Variants in SLC38A3 observed in about 807,000 individuals in gnomAD.
SLC38A3 encodes sodium-coupled neutral amino acid transporter 3.
A neutral mutation model predicts 59.5 loss-of-function variants in SLC38A3; 17 were observed. That is an observed-to-expected ratio of 0.29 (90% confidence interval 0.20 to 0.43). The LOEUF (loss-of-function observed/expected upper bound fraction) is 0.43, where lower values mean the gene tolerates loss of function less well. Among genes scored for constraint, SLC38A3 ranks in the 20% least tolerant of loss-of-function variants. The pLI, the probability that SLC38A3 is intolerant of heterozygous loss-of-function variation, is 1.00. For synonymous variants in SLC38A3, 238 were observed against 260.3 expected (o/e 0.91, Z 0.82); for missense variants, 454 against 653.9 (o/e 0.69, Z 3.33).
At position 50,214,834 on chromosome 3, in the gene SLC38A3, A is replaced by C; in HGVS notation, c.299+66A>C. The C allele has an allele frequency of 9.9e-7, 1 of 1,012,716 alleles. No homozygotes were observed. The highest frequency in any genetic ancestry group is 1.5e-6 in the Non-Finnish European group (1 of 661,594). The allele number at this position is 1,012,716 out of a possible 1,614,324, so 62.7% of individuals were successfully genotyped here. On this transcript the variant is annotated intron_variant, in intron 4 of 15. Coordinates refer to ENST00000614032, the MANE Select transcript of SLC38A3 (RefSeq NM_006841.6). The surrounding 1 kb of genome is among the most constrained non-coding windows in gnomAD (Gnocchi z 6.0). ...AGCAAGCCACCAATCATGACCTCCC[A>C]GGACCCGCCAGTTCCCTGTCCCAGC...
In SLC38A3 at chr3:50,217,380, G is replaced by A. The variant is rs971025929; in HGVS notation, c.632-35G>A. 1.2e-6 allele frequency: 2 copies of A among 1,611,732 alleles called. No homozygotes were observed. Among genetic ancestry groups the A allele is most frequent in the Non-Finnish European group, 1.7e-6 (2 of 1,178,734 alleles). ...GTTGGAGGCATACACCATGGGAGGGGCCCCAGGTCTCAGAGTGCTCCCTCC... is the reference window on the plus strand; with the variant it reads ...GTTGGAGGCATACACCATGGGAGGGACCCCAGGTCTCAGAGTGCTCCCTCC... On this transcript the variant is annotated intron_variant, in intron 8 of 15. Coordinates refer to ENST00000614032, the MANE Select transcript of SLC38A3 (RefSeq NM_006841.6). This position sits in a 1 kb window ranked among gnomAD's most constrained non-coding sequence, Gnocchi z 4.9.
rs1465425288 is a variant in SLC38A3, at chr3:50,220,076, C to T, written c.1414C>T (p.Leu472=). ...ACCCTGACTTCTGATTCCACAGGCC[C>T]TGTGTTTTGCTATGCTTGGCTTCTT... ...PARSTPKILA[L]CFAMLGFLLM... Residue 472 remains leucine, a synonymous_variant, in exon 16 of 16, where the codon CTG becomes TTG. Transcript: ENST00000614032. 1 of 1,605,476 alleles carries T rather than the reference C, an allele frequency of 6.2e-7. No individual in the cohort carries two copies. Among genetic ancestry groups the T allele is most frequent in the Non-Finnish European group, 8.5e-7 (1 of 1,175,510 alleles).
intron 1 of SLC38A3, among the ~76,000 whole-genome samples, chr3:50,210,616 G>GA (rs1442503427): frequency 1.3e-5 from 2 of 152,212 alleles, no homozygotes; most frequent in African/African-American, 4.8e-5. Context: ...CAGCCGCCCT[G>GA]AAGTGGCCTG....
intron 1 of SLC38A3, among the ~76,000 whole-genome samples, chr3:50,211,206 G>A (rs1002960582): frequency 6.6e-6 from 1 of 152,224 alleles, no homozygotes; most frequent in African/African-American, 2.4e-5. Flanking sequence ...GAGCCTGGGA[G>A]GCCACAGGCC....
In SLC38A3 at chr3:50,217,206, C is replaced by T; in HGVS notation, c.549-32C>T. 1 of 1,549,736 alleles carries T rather than the reference C, an allele frequency of 6.5e-7. No individual in the cohort carries two copies. Among genetic ancestry groups the T allele is most frequent in the Non-Finnish European group, 8.8e-7 (1 of 1,130,952 alleles). On this transcript the variant is annotated intron_variant, in intron 7 of 15. Coordinates refer to ENST00000614032, the MANE Select transcript of SLC38A3 (RefSeq NM_006841.6). The surrounding 1 kb of genome is among the most constrained non-coding windows in gnomAD (Gnocchi z 4.9). Reference sequence around the variant, plus strand: ...GGCCCCATCCCAGGCTGAATGGATTCTGACCCTGGCTCCCGACTCATGTCC... The same window carrying T: ...GGCCCCATCCCAGGCTGAATGGATTTTGACCCTGGCTCCCGACTCATGTCC...
Position 50,218,982 on chromosome 3 carries a change from T to A in SLC38A3, c.1306+34T>A, listed in dbSNP as rs1233857566. ...CTGGCCCTGCTGTGGAAGCAGGGTA[T>A]TGCCCCAGAGGATTTCAACTCTGCA... On this transcript the variant is annotated intron_variant, in intron 14 of 15. Transcript: ENST00000614032. The surrounding 1 kb of genome is among the most constrained non-coding windows in gnomAD (Gnocchi z 5.8). 7 of 1,592,616 alleles carry A rather than the reference T, an allele frequency of 4.4e-6. No individual in the cohort carries two copies. In the East Asian group the frequency reaches 1.4e-4, roughly 31 times the overall value.
intron 1 of SLC38A3, among the ~76,000 whole-genome samples, chr3:50,210,282 TG>T (rs1200491882): frequency 6.6e-6 from 1 of 152,102 alleles, no homozygotes; most frequent in Non-Finnish European, 1.5e-5. Context: ...GAGCTGGAAC[TG>T]GGGGCAGCCC....
chr3:50,216,849 T>G (rs1429700571), intron 7 of SLC38A3, among the ~76,000 whole-genome samples: 7 of 152,256 alleles, frequency 4.6e-5, no homozygotes, highest in African/African-American at 1.4e-4. Flanking sequence ...CTTGGCTCAC[T>G]GCAACCTCTG....
In SLC38A3 at chr3:50,214,829, C is replaced by A; in HGVS notation, c.299+61C>A. The A allele has an allele frequency of 1.8e-6, 2 of 1,091,946 alleles. No individual in the cohort carries two copies. The highest frequency in any genetic ancestry group is 2.7e-6 in the Non-Finnish European group (2 of 732,106). The allele number at this position is 1,091,946 out of a possible 1,614,324, so 67.6% of individuals were successfully genotyped here. ...CCCTAAGCAAGCCACCAATCATGAC[C>A]TCCCAGGACCCGCCAGTTCCCTGTC... On this transcript the variant is annotated intron_variant, in intron 4 of 15. Coordinates refer to ENST00000614032, the MANE Select transcript of SLC38A3 (RefSeq NM_006841.6). The surrounding 1 kb of genome is among the most constrained non-coding windows in gnomAD (Gnocchi z 6.0).
In SLC38A3 at chr3:50,217,890, C is replaced by T; in HGVS notation, c.856-27C>T. ...GGGGCCCAATGAGAGTGGCAGACTGCCTTGACACAGCCCCGTGTTTCCCCA... is the reference window on the plus strand; with the variant it reads ...GGGGCCCAATGAGAGTGGCAGACTGTCTTGACACAGCCCCGTGTTTCCCCA... On this transcript the variant is annotated intron_variant, in intron 10 of 15. Coordinates refer to ENST00000614032, the MANE Select transcript of SLC38A3 (RefSeq NM_006841.6). This position sits in a 1 kb window ranked among gnomAD's most constrained non-coding sequence, Gnocchi z 4.9. The T allele has an allele frequency of 6.2e-7, 1 of 1,613,996 alleles. No individual in the cohort carries two copies. The highest frequency in any genetic ancestry group is 2.2e-5 in the East Asian group (1 of 44,890).
chr3:50,215,719 T>TGCCC lies in SLC38A3; in HGVS notation c.467-16_467-13dup. On this transcript the variant is annotated intron_variant, in intron 6 of 15. Coordinates refer to ENST00000614032, the MANE Select transcript of SLC38A3 (RefSeq NM_006841.6). The surrounding 1 kb of genome is among the most constrained non-coding windows in gnomAD (Gnocchi z 7.1). ...GGTTGGGCTGACCTCAGCGCCTGCC[T>TGCCC]GCCCGCCCCTCTCCCCACAGCCATG... 1.2e-6 allele frequency: 2 copies of TGCCC among 1,603,692 alleles called. No homozygotes were observed. Among genetic ancestry groups the TGCCC allele is most frequent in the Non-Finnish European group, 1.7e-6 (2 of 1,175,670 alleles).
intron 7 of SLC38A3, among the ~76,000 whole-genome samples, chr3:50,216,904 CTG>C (rs1280982271): frequency 1.3e-5 from 2 of 152,218 alleles, no homozygotes; most frequent in Non-Finnish European, 2.9e-5. Context: ...TCCTGAGTAG[CTG>C]AGATTATAGG....
In SLC38A3 at chr3:50,218,090, G is replaced by A; in HGVS notation, c.935+94G>A. ...CTGAATGTGGAGAGGGGAGTGACAG[G>A]AGCCAAGTCACTTTATCTGAGATGT... On this transcript the variant is annotated intron_variant, in intron 11 of 15. Transcript: ENST00000614032. This position sits in a 1 kb window ranked among gnomAD's most constrained non-coding sequence, Gnocchi z 5.8. The A allele has an allele frequency of 7.6e-7, 1 of 1,316,774 alleles. No homozygotes were observed. Among genetic ancestry groups the A allele is most frequent in the Middle Eastern group, 1.8e-4 (1 of 5,528 alleles). The allele number at this position is 1,316,774 out of a possible 1,614,324, so 81.6% of individuals were successfully genotyped here.
chr3:50,219,669 A>G (rs953884390), intron 14 of SLC38A3, among the ~76,000 whole-genome samples: 1 of 152,124 alleles, frequency 6.6e-6, no homozygotes, highest in Non-Finnish European at 1.5e-5. Context: ...ATTGGCTGAC[A>G]TTCTTCTGAC....
chr3:50,212,215 G>A (rs1449451320), intron 1 of SLC38A3, among the ~76,000 whole-genome samples: 1 of 152,244 alleles, frequency 6.6e-6, no homozygotes, highest in East Asian at 1.9e-4. Context: ...GTGCCTGGCT[G>A]CTACAGAAGG....
rs967384894 is a variant in SLC38A3 at position 50,206,743 on chromosome 3, T to C, written c.-52+1395T>C. Among the ~76,000 whole-genome samples the C allele has an allele frequency of 2.8e-4, 42 of 152,330 alleles. 1 individual carries two copies. Among genetic ancestry groups the C allele is most frequent in the Admixed American group, 2.4e-3 (37 of 15,302 alleles). On this transcript the variant is annotated intron_variant, in intron 1 of 15. Coordinates refer to ENST00000614032, the MANE Select transcript of SLC38A3 (RefSeq NM_006841.6). ...TGAATCTCTGGGGAGGGTAGGAGTC[T>C]GTATCTCAGAATTTTGTTCTGCCTG... is the stretch of plus-strand genomic sequence containing the variant.
chr3:50,210,676 G>T (rs1699712290), intron 1 of SLC38A3, among the ~76,000 whole-genome samples: 1 of 152,220 alleles, frequency 6.6e-6, no homozygotes, highest in South Asian at 2.1e-4. Flanking sequence ...CACCTGCCGA[G>T]GTGTGCCTGA....
chr3:50,218,412 G>A lies in SLC38A3; in HGVS notation c.1036+42G>A. 1.3e-6 allele frequency: 2 copies of A among 1,550,004 alleles called. No homozygotes were observed. The highest frequency in any genetic ancestry group is 1.8e-6 in the Non-Finnish European group (2 of 1,121,818). ...GGGCAGAGGCCTAGGCTAGGCTGGG[G>A]GGAAGGGGCTGGTTGTGGCCATGGT... On this transcript the variant is annotated intron_variant, in intron 12 of 15. Transcript: ENST00000614032. This position sits in a 1 kb window ranked among gnomAD's most constrained non-coding sequence, Gnocchi z 5.8.
At position 50,214,364 on chromosome 3, in the gene SLC38A3, G is replaced by A. The variant is rs574312037; in HGVS notation, c.102-38G>A. Reference sequence around the variant, plus strand: ...GCAGGGCAGGGATACAGAGCAAAGGGCTGGAGCTGAGCCACCCACCCTGAC... The same window carrying A: ...GCAGGGCAGGGATACAGAGCAAAGGACTGGAGCTGAGCCACCCACCCTGAC... On this transcript the variant is annotated intron_variant, in intron 2 of 15. Coordinates refer to ENST00000614032, the MANE Select transcript of SLC38A3 (RefSeq NM_006841.6). The surrounding 1 kb of genome is among the most constrained non-coding windows in gnomAD (Gnocchi z 6.0). The A allele has an allele frequency of 2.2e-5, 35 of 1,604,166 alleles. 1 individual carries two copies. In the South Asian group the frequency reaches 3.9e-4, roughly 18 times the overall value.
Sources: gnomAD v4.1 joint callset for allele counts (sites outside exome capture counted in the v4.1 genomes callset) on GRCh38, gnomAD v4.1.1 for gene constraint, Gnocchi (gnomAD v3.1) non-coding constraint, MANE v1.5 for transcripts, NCBI Gene and HGNC (gene_info 2026-07-23, HGNC 2026-07-21) for gene names.